YES1: variants seen among roughly 807,000 people sequenced by gnomAD.
YES1 encodes the protein tyrosine-protein kinase Yes.
In YES1, 39 loss-of-function variants were observed where a neutral mutation model predicts 70.4. The ratio of observed to expected loss-of-function variants is 0.55; its 90% CI spans 0.43 to 0.72. YES1 has a LOEUF of 0.72. YES1 is among the 30% of genes least tolerant of loss of function. The pLI is 0.00. For synonymous variants in YES1, 198 were observed against 218.6 expected, an observed-to-expected ratio of 0.91 and a Z score of 0.83; for missense variants, 495 against 644.8, an observed-to-expected ratio of 0.77 and a Z score of 2.52.
chr18:751,720 T>G lies in YES1; in HGVS notation c.356A>C (p.Gln119Pro). Residue 119 changes from glutamine to proline, a missense_variant, in exon 3 of 12, where the codon CAA (glutamine) becomes CCA (proline). Coordinates refer to ENST00000314574, the MANE Select transcript of YES1 (RefSeq NM_005433.4). ...TGACACTTACGTATTGTTAATTATTTGAAATCTTTCACCCTTCTTAAATGA... is the reference window on the plus strand; with the variant it reads ...TGACACTTACGTATTGTTAATTATTGGAAATCTTTCACCCTTCTTAAATGA... Reference protein sequence around the residue: ...DLSFKKGERFQIINNTEGDWW... With the variant: ...DLSFKKGERFPIINNTEGDWW... The G allele has an allele frequency of 6.3e-7, 1 of 1,582,800 alleles. No individual in the cohort carries two copies. The highest frequency in any genetic ancestry group is 8.7e-7 in the Non-Finnish European group (1 of 1,153,778).
At chr18:787,723 T>A (rs895388666) in intron 1 of YES1, among the ~76,000 whole-genome samples, 5 of 151,582 alleles carry the variant, frequency 3.3e-5, no homozygotes, top group East Asian at 1.9e-4. Context: ...AAAAAAAAAA[T>A]ATTCTGTTGA....
At chr18:752,025 C>G (rs2080350545) in intron 2 of YES1, among the ~76,000 whole-genome samples, 1 of 152,156 alleles carries the variant, frequency 6.6e-6, no homozygotes, top group Non-Finnish European at 1.5e-5. Flanking sequence ...GTAGCAATAA[C>G]TAGTCTTAAA....
intron 11 of YES1, among the ~76,000 whole-genome samples, chr18:731,947 A>T (rs1335708877): frequency 7.1e-6 from 1 of 141,432 alleles, no homozygotes; most frequent in Non-Finnish European, 1.5e-5. Flanking sequence ...AGCCTGGGCG[A>T]CAGAGCGAGA....
At chr18:796,122 T>C (rs919464297) in intron 1 of YES1, among the ~76,000 whole-genome samples, 6 of 152,126 alleles carry the variant, frequency 3.9e-5, no homozygotes, top group African/African-American at 1.4e-4. Context: ...GAAGTTCACA[T>C]GAAAAAGTAA....
intron 11 of YES1, among the ~76,000 whole-genome samples, chr18:726,774 CTT>C (rs1164565477): frequency 1.1e-4 from 7 of 66,474 alleles, no homozygotes; most frequent in Admixed American, 5.3e-4. Flanking sequence ...AAGCAAGACT[CTT>C]GTCTCAAAAA....
chr18:780,825 T>C (rs1337029114), intron 1 of YES1, among the ~76,000 whole-genome samples: 1 of 152,190 alleles, frequency 6.6e-6, no homozygotes, highest in Non-Finnish European at 1.5e-5. Context: ...TTAACTGACT[T>C]CCATCCTTCT....
chr18:777,149 T>C, intron 1 of YES1, among the ~76,000 whole-genome samples: 1 of 152,164 alleles, frequency 6.6e-6, no homozygotes, highest in East Asian at 1.9e-4. Context: ...TTGTAAGTAG[T>C]CTGGTGCTGG....
chr18:756,286 G>C (rs2080405598), intron 2 of YES1, among the ~76,000 whole-genome samples: 1 of 151,014 alleles, frequency 6.6e-6, no homozygotes, highest in Admixed American at 6.6e-5. Context: ...CTACAGTGGG[G>C]GGGGGCTCAA....
chr18:807,245 A>G (rs545894957), intron 1 of YES1, among the ~76,000 whole-genome samples: 8 of 151,828 alleles, frequency 5.3e-5, no homozygotes, highest in Non-Finnish European at 1.2e-4. Context: ...GAGGCAGGAG[A>G]ATCACTTGAA....
chr18:799,832 C>T (rs1906730552), intron 1 of YES1, among the ~76,000 whole-genome samples: 1 of 151,944 alleles, frequency 6.6e-6, no homozygotes, highest in Admixed American at 6.6e-5. Context: ...ACCCAGGAGG[C>T]AGAGATCATG....
intron 6 of YES1, among the ~76,000 whole-genome samples, chr18:743,862 C>T (rs1035701537): frequency 2.0e-5 from 3 of 150,470 alleles, no homozygotes; most frequent in South Asian, 2.1e-4. Context: ...GCCAAAATTG[C>T]GCCACTGCAC....
chr18:795,464 T>C (rs1310980726), intron 1 of YES1, among the ~76,000 whole-genome samples: 2 of 152,144 alleles, frequency 1.3e-5, no homozygotes, highest in East Asian at 1.9e-4. Context: ...CTAAATAAAC[T>C]TGCAGCACTA....
At chr18:743,473 G>C (rs1411343034) in intron 6 of YES1, 58 bp from the exon 7 acceptor site, 1 of 1,364,792 alleles carries the variant, frequency 7.3e-7, no homozygotes, top group Admixed American at 2.2e-5. Flanking sequence ...GGGGCATATA[G>C]TGTATCAATG....
At chr18:756,123 A>ATAC (rs1289289135) in intron 2 of YES1, among the ~76,000 whole-genome samples, 3 of 152,148 alleles carry the variant, frequency 2.0e-5, no homozygotes, top group Non-Finnish European at 4.4e-5. Context: ...ATCTGGGAGA[A>ATAC]ATTCTGTATT....
chr18:774,516 C>T (rs540623082), intron 1 of YES1, among the ~76,000 whole-genome samples: 1 of 152,278 alleles, frequency 6.6e-6, no homozygotes, highest in East Asian at 1.9e-4. Flanking sequence ...AATGTTAACG[C>T]CATTCTTCTA....
At chr18:795,443 T>G (rs1277185893) in intron 1 of YES1, among the ~76,000 whole-genome samples, 1 of 152,156 alleles carries the variant, frequency 6.6e-6, no homozygotes, top group East Asian at 1.9e-4. Flanking sequence ...TTCTGAACTT[T>G]GAAGTTATTT....
At chr18:728,999 G>A (rs1191602243) in intron 11 of YES1, among the ~76,000 whole-genome samples, 1 of 152,084 alleles carries the variant, frequency 6.6e-6, no homozygotes, top group Non-Finnish European at 1.5e-5. Context: ...ATATTTAGAA[G>A]ATTTTTAGCC....
At chr18:779,239 C>CA (rs1905533759) in intron 1 of YES1, among the ~76,000 whole-genome samples, 1 of 151,726 alleles carries the variant, frequency 6.6e-6, no homozygotes, top group Admixed American at 6.6e-5. Context: ...CCCGTCCCGG[C>CA]AAAAAATTTT....
At chr18:793,788 G>A (rs1253580448) in intron 1 of YES1, among the ~76,000 whole-genome samples, 1 of 152,054 alleles carries the variant, frequency 6.6e-6, no homozygotes, top group Admixed American at 6.6e-5. Flanking sequence ...CAAATGATAG[G>A]GATCTATCAA....
Sources: gnomAD v4.1 joint callset for allele counts (sites outside exome capture counted in the v4.1 genomes callset) on GRCh38, gnomAD v4.1.1 for gene constraint, MANE v1.5 for transcripts, NCBI Gene and HGNC (gene_info 2026-07-23, HGNC 2026-07-21) for gene names.